Variants in VKORC1L1 observed in about 807,000 individuals in gnomAD.
The protein encoded by VKORC1L1 is vitamin K epoxide reductase complex subunit 1-like protein 1.
VKORC1L1 carries 2 observed loss-of-function variants against 18.9 expected under a neutral mutation model. That is an observed-to-expected ratio of 0.11 (90% CI 0.04 to 0.33). The LOEUF (loss-of-function observed/expected upper bound fraction) is 0.33. Ranked by LOEUF, VKORC1L1 falls within the 10% of genes least tolerant of loss-of-function variation. The pLI, the probability that VKORC1L1 is intolerant of heterozygous loss-of-function variation, is 1.00. For synonymous variants in VKORC1L1, 96 were observed against 100.0 expected (o/e 0.96, Z 0.24); for missense variants, 123 against 224.1 (o/e 0.55, Z 2.88).
intron 1 of VKORC1L1, among the ~76,000 whole-genome samples, chr7:65,916,115 T>TAAAAA (rs35219358): frequency 3.2e-5 from 4 of 126,630 alleles, no homozygotes; most frequent in African/African-American, 1.2e-4. Context: ...TGTCTAAAAT[T>TAAAAA]AAAAAAAAAA....
rs1402159194 is a variant in VKORC1L1 at position 65,956,252 on chromosome 7, C to G, written c.*1952C>G. ...CTTGTAGCAGCGCATCCAGCTCTAC[C>G]AAGGCAGTCCTCTGGTTCTTTTTTC... On this transcript the variant is annotated 3_prime_UTR_variant, in exon 3 of 3. Transcript: ENST00000360768. The G allele has an allele frequency of 6.6e-6, 1 of 152,194 alleles. No homozygotes were observed. Among genetic ancestry groups the G allele is most frequent in the Non-Finnish European group, 1.5e-5 (1 of 68,048 alleles). The allele number at this position is 152,194 out of a possible 1,614,324, so 9.4% of individuals were successfully genotyped here.
chr7:65,942,690 T>C (rs1790057497), intron 1 of VKORC1L1, among the ~76,000 whole-genome samples: 1 of 151,888 alleles, frequency 6.6e-6, no homozygotes, highest in African/African-American at 2.4e-5. Context: ...CACATCTGCA[T>C]AATTTTTGTA....
chr7:65,932,859 C>G (rs572438756), intron 1 of VKORC1L1, among the ~76,000 whole-genome samples: 1 of 152,150 alleles, frequency 6.6e-6, no homozygotes, highest in South Asian at 2.1e-4. Flanking sequence ...GCGGGTGGAT[C>G]ACGAGGTCAG....
chr7:65,902,412 G>A (rs1369849062), intron 1 of VKORC1L1, among the ~76,000 whole-genome samples: 1 of 152,166 alleles, frequency 6.6e-6, no homozygotes, highest in Non-Finnish European at 1.5e-5. Context: ...CTGCAGATCA[G>A]TGGACTTGAA....
In VKORC1L1 at chr7:65,912,389, G is replaced by A. The variant is rs150114149; in HGVS notation, c.195-36282G>A. ...TGTGCTGGAGCTTGTGGCTCTTTCC[G>A]AGCTCACAGTGTTGACAGCTGATGC... is the stretch of plus-strand genomic sequence containing the variant. On this transcript the variant is annotated intron_variant, in intron 1 of 2. Coordinates refer to ENST00000360768, the MANE Select transcript of VKORC1L1 (RefSeq NM_173517.6). Among the ~76,000 whole-genome samples the A allele has an allele frequency of 2.4e-4, 36 of 152,306 alleles. No homozygotes were observed. In the East Asian group the frequency reaches 4.8e-3, roughly 20 times the overall value.
chr7:65,866,167 C>T, the VKORC1L1 span, among the ~76,000 whole-genome samples: 1 of 152,054 alleles, frequency 6.6e-6, no homozygotes, highest in Admixed American at 6.6e-5. Context: ...TTGCAAGATA[C>T]TGGGAAGTCT....
rs181384798 is a variant in VKORC1L1 at position 65,879,806 on chromosome 7, C to T, written c.194+6241C>T. On this transcript the variant is annotated intron_variant, in intron 1 of 2. Coordinates refer to ENST00000360768, the MANE Select transcript of VKORC1L1 (RefSeq NM_173517.6). Reference sequence around the variant, plus strand: ...CCTTCGTTCCTTGCTTCCTTCTTTCCTTTTCTTTTTCTTTCCTTTCCTTTT... The same window carrying T: ...CCTTCGTTCCTTGCTTCCTTCTTTCTTTTTCTTTTTCTTTCCTTTCCTTTT... 2.5e-4 allele frequency among the ~76,000 whole-genome samples: 36 copies of T among 141,312 alleles called. No individual in the cohort carries two copies. In the East Asian group the frequency reaches 7.4e-3, roughly 29 times the overall value. 92.7% of individuals were successfully genotyped at this position (141,312 alleles called of 152,430 possible). A position where few individuals can be genotyped will look rare whatever the true frequency, so the allele number is the denominator to read the frequency against.
chr7:65,897,208 G>A (rs1789228864), intron 1 of VKORC1L1, among the ~76,000 whole-genome samples: 1 of 152,206 alleles, frequency 6.6e-6, no homozygotes, highest in Non-Finnish European at 1.5e-5. Flanking sequence ...CAGTTCAAAG[G>A]AAAGACAAGT....
intron 1 of VKORC1L1, among the ~76,000 whole-genome samples, chr7:65,935,410 A>G (rs571535054): frequency 6.6e-6 from 1 of 152,114 alleles, no homozygotes; most frequent in African/African-American, 2.4e-5. Context: ...CCCAAGTTCA[A>G]GCGATTCTCC....
At chr7:65,918,088 A>G (rs896771725) in intron 1 of VKORC1L1, among the ~76,000 whole-genome samples, 6 of 152,170 alleles carry the variant, frequency 3.9e-5, no homozygotes, top group African/African-American at 1.2e-4. Flanking sequence ...CTACAACCCT[A>G]AAGGTTTCAT....
chr7:65,867,475 G>T, the VKORC1L1 span, among the ~76,000 whole-genome samples: 5 of 151,938 alleles, frequency 3.3e-5, no homozygotes, highest in South Asian at 2.1e-4. Flanking sequence ...TCATGGTTCT[G>T]GGAGTTGACT....
intron 1 of VKORC1L1, among the ~76,000 whole-genome samples, chr7:65,917,447 A>G (rs901492122): frequency 4.6e-5 from 7 of 151,858 alleles, no homozygotes; most frequent in Middle Eastern, 3.4e-3. Flanking sequence ...GATACACTAT[A>G]CTCCAGGCAT....
At chr7:65,875,367 G>A (rs1788809078) in intron 1 of VKORC1L1, among the ~76,000 whole-genome samples, 1 of 152,094 alleles carries the variant, frequency 6.6e-6, no homozygotes, top group African/African-American at 2.4e-5. Flanking sequence ...TCTTTTGGAA[G>A]TGTGTAGACA....
chr7:65,921,644 C>G (rs1313828688), intron 1 of VKORC1L1, among the ~76,000 whole-genome samples: 3 of 152,172 alleles, frequency 2.0e-5, no homozygotes, highest in Non-Finnish European at 4.4e-5. Flanking sequence ...GTCAGGAACT[C>G]AAGACCATCC....
Position 65,898,145 on chromosome 7 carries a change from G to A in VKORC1L1, c.194+24580G>A, listed in dbSNP as rs192374199. Among the ~76,000 whole-genome samples the A allele has an allele frequency of 2.1e-3, 264 of 124,920 alleles. 2 individuals carry two copies. Among genetic ancestry groups the A allele is most frequent in the African/African-American group, 7.8e-3 (257 of 33,100 alleles). The allele number at this position is 124,920 out of a possible 152,430, so 82.0% of individuals were successfully genotyped here. A position where few individuals can be genotyped will look rare whatever the true frequency, so the allele number is the denominator to read the frequency against. On this transcript the variant is annotated intron_variant, in intron 1 of 2. Coordinates refer to ENST00000360768, the MANE Select transcript of VKORC1L1 (RefSeq NM_173517.6). ...ACTTTGTCACCCAGGCTGGAGTATA[G>A]TGGCACGATCTCGGCTCACTGCAAC...
At chr7:65,937,628 G>A (rs1789965001) in intron 1 of VKORC1L1, among the ~76,000 whole-genome samples, 1 of 152,042 alleles carries the variant, frequency 6.6e-6, no homozygotes, top group Admixed American at 6.6e-5. Flanking sequence ...GCCCAGGCTG[G>A]TCTCAGACTC....
At chr7:65,905,074 T>C (rs750273508) in intron 1 of VKORC1L1, among the ~76,000 whole-genome samples, 101 of 152,308 alleles carry the variant, frequency 6.6e-4, no homozygotes, top group African/African-American at 2.2e-3. Context: ...TACACACACA[T>C]ATGCATACAA....
intron 1 of VKORC1L1, among the ~76,000 whole-genome samples, chr7:65,936,774 T>G (rs1454143926): frequency 6.6e-6 from 1 of 152,232 alleles, no homozygotes; most frequent in East Asian, 1.9e-4. Flanking sequence ...CCCCTTTCGC[T>G]GTTTCTCTTG....
At chr7:65,953,273 G>A (rs978355733) in intron 2 of VKORC1L1, among the ~76,000 whole-genome samples, 1 of 152,186 alleles carries the variant, frequency 6.6e-6, no homozygotes, top group Non-Finnish European at 1.5e-5. Context: ...CAGCTTGTTG[G>A]TGTAGTCACC....
Sources: allele counts gnomAD v4.1 joint callset (sites outside exome capture counted in the v4.1 genomes callset), GRCh38; gene constraint gnomAD v4.1.1; transcripts MANE v1.5; gene names NCBI Gene and HGNC (gene_info 2026-07-23, HGNC 2026-07-21).